CPEB1: variants seen among roughly 807,000 people sequenced by gnomAD.
The protein encoded by CPEB1 is cytoplasmic polyadenylation element binding protein 1, also known as cytoplasmic polyadenylation element-binding protein 1.
A neutral mutation model predicts 65.8 loss-of-function variants in CPEB1; 7 were observed. That is an observed-to-expected ratio of 0.11 (90% CI 0.06 to 0.20). The LOEUF is 0.20. CPEB1 is among the 10% of genes least tolerant of loss of function. CPEB1 has a pLI of 1.00. For missense variants in CPEB1, 551 were observed against 712.2 expected (o/e 0.77, Z 2.58); for synonymous variants, 262 against 260.0 (o/e 1.01, Z -0.08).
intron 3 of CPEB1, among the ~76,000 whole-genome samples, chr15:82,589,787 A>G (rs970298554): frequency 7.2e-5 from 11 of 152,172 alleles, no homozygotes; most frequent in Non-Finnish European, 1.5e-4. Flanking sequence ...TTTGGATTCA[A>G]CCAACCGCAG....
At chr15:82,569,759 A>G (rs2039727657) in intron 4 of CPEB1, among the ~76,000 whole-genome samples, 1 of 152,234 alleles carries the variant, frequency 6.6e-6, no homozygotes, top group Non-Finnish European at 1.5e-5. Context: ...AAGAAGGGCT[A>G]TACTTCAACC....
At chr15:82,578,939 C>G (rs1325971356) in intron 3 of CPEB1, among the ~76,000 whole-genome samples, 1 of 152,082 alleles carries the variant, frequency 6.6e-6, no homozygotes, top group East Asian at 1.9e-4. Flanking sequence ...TTCTCCTGCT[C>G]CAGCCTCCCG....
At chr15:82,589,637 G>T (rs1052145246) in intron 3 of CPEB1, among the ~76,000 whole-genome samples, 1 of 151,910 alleles carries the variant, frequency 6.6e-6, no homozygotes, top group Admixed American at 6.6e-5. Flanking sequence ...CCAGCTACTC[G>T]GGAGGCTGAG....
chr15:82,638,477 C>T (rs1596143166), intron 1 of CPEB1: 1 of 152,178 alleles, frequency 6.6e-6, no homozygotes, highest in African/African-American at 2.4e-5. Context: ...TAAAGGTCTT[C>T]CAAAATTCTT....
chr15:82,574,807 C>A (rs985887220), intron 3 of CPEB1, among the ~76,000 whole-genome samples: 7 of 147,344 alleles, frequency 4.8e-5, no homozygotes, highest in African/African-American at 1.8e-4. Flanking sequence ...GTGATACCCA[C>A]AAAATTAATA....
chr15:82,591,749 G>A (rs1342767854), intron 3 of CPEB1, among the ~76,000 whole-genome samples: 3 of 151,630 alleles, frequency 2.0e-5, no homozygotes, highest in African/African-American at 7.3e-5. Flanking sequence ...TACCTATTCT[G>A]GATATTGCAC....
chr15:82,566,076 G>A (rs926747773), intron 4 of CPEB1, among the ~76,000 whole-genome samples: 6 of 152,166 alleles, frequency 3.9e-5, no homozygotes, highest in African/African-American at 1.4e-4. Context: ...GCCAGCTCCT[G>A]TCGGTTTTAC....
intron 3 of CPEB1, among the ~76,000 whole-genome samples, chr15:82,609,096 C>T (rs1474187461): frequency 1.3e-5 from 2 of 152,194 alleles, no homozygotes; most frequent in Non-Finnish European, 1.5e-5. Context: ...ATCAATGGAT[C>T]GAAGAAGAAA....
chr15:82,550,010 T>C (rs940753568), intron 9 of CPEB1, among the ~76,000 whole-genome samples: 3 of 152,130 alleles, frequency 2.0e-5, no homozygotes, highest in South Asian at 2.1e-4. Flanking sequence ...TGGACACTGA[T>C]GAAAAGGGCA....
At chr15:82,599,565 C>G (rs1161843765) in intron 3 of CPEB1, among the ~76,000 whole-genome samples, 2 of 152,068 alleles carry the variant, frequency 1.3e-5, no homozygotes, top group Non-Finnish European at 2.9e-5. Context: ...AAACCCTCTC[C>G]CCACCTCAAA....
Position 82,557,850 on chromosome 15 carries a change from G to A in CPEB1, c.597C>T (p.Thr199=), listed in dbSNP as rs759548588. The change falls in exon 5 of 13, where the codon ACC becomes ACT. Residue 199 remains threonine (T), a synonymous_variant. Coordinates refer to ENST00000684509, the MANE Select transcript of CPEB1 (RefSeq NM_001365242.1). ...APSVRGSRLD[T]RPILDSRSSS... ...TAGATCGAGAGTCCAGGATGGGCCGGGTGTCCAGGCGTGATCCTCTAACTG... is the reference window on the plus strand; with the variant it reads ...TAGATCGAGAGTCCAGGATGGGCCGAGTGTCCAGGCGTGATCCTCTAACTG... 8.1e-6 allele frequency: 13 copies of A among 1,614,048 alleles called. No homozygotes were observed. The East Asian group carries it at 2.7e-4, about 33-fold the overall frequency.
chr15:82,570,996 G>C (rs2039944117), intron 4 of CPEB1, among the ~76,000 whole-genome samples: 1 of 151,914 alleles, frequency 6.6e-6, no homozygotes, highest in Admixed American at 6.6e-5. Flanking sequence ...AAAGTGTTTT[G>C]CTTCATCATC....
intron 3 of CPEB1, among the ~76,000 whole-genome samples, chr15:82,601,269 G>A (rs937767475): frequency 6.7e-4 from 102 of 151,138 alleles, no homozygotes; most frequent in African/African-American, 2.3e-3. Context: ...CACTGGGCAC[G>A]GTGGCTCACG....
chr15:82,554,620 C>G (rs1196912653), intron 6 of CPEB1, among the ~76,000 whole-genome samples: 1 of 152,172 alleles, frequency 6.6e-6, no homozygotes, highest in East Asian at 1.9e-4. Flanking sequence ...ATGAATCAGT[C>G]TTCAATCCTG....
chr15:82,627,085 C>G (rs2151317542), intron 3 of CPEB1, 108 bp downstream of exon 3: 1 of 881,938 alleles, frequency 1.1e-6, no homozygotes, highest in Admixed American at 2.9e-5. Flanking sequence ...TTGCCAGCAA[C>G]TCAACATTGT....
chr15:82,645,326 T>C (rs1056047682), intron 1 of CPEB1, among the ~76,000 whole-genome samples: 24 of 152,074 alleles, frequency 1.6e-4, no homozygotes, highest in East Asian at 3.9e-4. Flanking sequence ...CTAATTTTTG[T>C]ATTTTTAGGA....
intron 3 of CPEB1, among the ~76,000 whole-genome samples, chr15:82,574,803 C>A (rs1248673789): frequency 3.4e-5 from 5 of 147,106 alleles, no homozygotes; most frequent in African/African-American, 1.3e-4. Context: ...AAAAGTGATA[C>A]CCACAAAATT....
intron 3 of CPEB1, among the ~76,000 whole-genome samples, chr15:82,589,986 T>C (rs2042094492): frequency 6.6e-6 from 1 of 152,142 alleles, no homozygotes; most frequent in Non-Finnish European, 1.5e-5. Context: ...ACTTCGGCAT[T>C]TGTGGATTTG....
intron 4 of CPEB1, among the ~76,000 whole-genome samples, chr15:82,567,861 C>CA (rs936622073): frequency 6.6e-6 from 1 of 152,102 alleles, no homozygotes; most frequent in African/African-American, 2.4e-5. Flanking sequence ...ATGCTGCACA[C>CA]AAAAGAGTCG....
Sources: gnomAD v4.1 joint callset for allele counts (sites outside exome capture counted in the v4.1 genomes callset) on GRCh38, gnomAD v4.1.1 for gene constraint, MANE v1.5 for transcripts, NCBI Gene and HGNC (gene_info 2026-07-23, HGNC 2026-07-21) for gene names.